OGDH: variants seen among roughly 807,000 people sequenced by gnomAD.
OGDH encodes the protein oxoglutarate dehydrogenase.
A neutral mutation model predicts 116.6 loss-of-function variants in OGDH; 38 were observed. That is an observed-to-expected ratio of 0.33 (90% CI 0.25 to 0.43). The LOEUF is 0.43. OGDH is among the 20% of genes least tolerant of loss of function. The pLI is 1.00. For synonymous variants in OGDH, 488 were observed against 533.3 expected (o/e 0.92, Z 1.17); for missense variants, 825 against 1,357.2 (o/e 0.61, Z 6.16).
At chr7:44,703,479 G>T (rs558098311) in intron 20 of OGDH, among the ~76,000 whole-genome samples, 8 of 152,190 alleles carry the variant, frequency 5.3e-5, no homozygotes, top group African/African-American at 1.9e-4. Context: ...CAGCACTTTG[G>T]GAGGCTGAGG....
intron 3 of OGDH, among the ~76,000 whole-genome samples, chr7:44,646,603 T>A (rs1222433573): frequency 6.6e-6 from 1 of 152,256 alleles, no homozygotes; most frequent in Non-Finnish European, 1.5e-5. Context: ...TTGGCCTCAG[T>A]AACAACTTCA....
At chr7:44,637,499 C>T (rs2268310) in intron 2 of OGDH, among the ~76,000 whole-genome samples, 33,936 of 152,134 alleles carry the variant, frequency 0.22, 5,283 homozygotes, top group East Asian at 0.56. Flanking sequence ...ATGAGAATTA[C>T]TGGATTTTTA....
chr7:44,669,137 C>A (rs1436765375), intron 5 of OGDH, among the ~76,000 whole-genome samples: 3 of 120,218 alleles, frequency 2.5e-5, no homozygotes, highest in African/African-American at 7.9e-5. Context: ...CTGTGGGGAG[C>A]CCGGCAGCTT....
intron 10 of OGDH, among the ~76,000 whole-genome samples, chr7:44,683,307 G>T (rs1788006687): frequency 6.6e-6 from 1 of 151,990 alleles, no homozygotes; most frequent in Non-Finnish European, 1.5e-5. Flanking sequence ...ATAGCTCATT[G>T]CAGCCTTGAA....
At chr7:44,617,483 T>C (rs986737914) in intron 1 of OGDH, among the ~76,000 whole-genome samples, 2 of 152,096 alleles carry the variant, frequency 1.3e-5, no homozygotes, top group Admixed American at 6.6e-5. Context: ...GAAAAAAAAC[T>C]TTACAGTTTA....
chr7:44,697,258 C>T lies in OGDH; in HGVS notation c.2052-112C>T. The T allele has an allele frequency of 6.7e-7, 1 of 1,502,016 alleles. No individual in the cohort carries two copies. Among genetic ancestry groups the T allele is most frequent in the Non-Finnish European group, 9.1e-7 (1 of 1,099,620 alleles). 93.0% of individuals were successfully genotyped at this position (1,502,016 alleles called of 1,614,324 possible). On this transcript the variant is annotated intron_variant, in intron 15 of 22. Coordinates refer to ENST00000222673, the MANE Select transcript of OGDH (RefSeq NM_002541.4). The surrounding 1 kb of genome is among the most constrained non-coding windows in gnomAD (Gnocchi z 6.0). ...TGGGGCCGACCCTGCAGCTGCCTGG[C>T]CAGAAGTCCAGGTCACAGAGCATGG...
intron 4 of OGDH, among the ~76,000 whole-genome samples, chr7:44,661,107 T>TGG (rs552225056): frequency 8.9e-4 from 136 of 152,368 alleles, no homozygotes; most frequent in Non-Finnish European, 1.6e-3. Context: ...CTATCAGATT[T>TGG]GGGGTCACTT....
chr7:44,621,474 CA>C (rs1785006329), intron 1 of OGDH, among the ~76,000 whole-genome samples: 1 of 152,184 alleles, frequency 6.6e-6, no homozygotes, highest in Non-Finnish European at 1.5e-5. Context: ...GTCGTTCTGT[CA>C]AAGTGTGGAC....
chr7:44,701,644 TG>T, intron 20 of OGDH, 29 bp downstream of exon 20: 2 of 1,599,542 alleles, frequency 1.3e-6, no homozygotes, highest in Non-Finnish European at 8.6e-7. Context: ...GGCATTTCCT[TG>T]GGGGAAGCTA....
chr7:44,670,688 A>T (rs1469238397), intron 5 of OGDH, among the ~76,000 whole-genome samples: 1 of 152,160 alleles, frequency 6.6e-6, no homozygotes, highest in Non-Finnish European at 1.5e-5. Flanking sequence ...TTAGAAGTTC[A>T]TAGTTTTATC....
Position 44,708,194 on chromosome 7 carries a change from GC to G in OGDH, c.*198del. ...TTGGCTGCCCCACAGGCCACACGCT[GC>G]CCAGGCTCTGCTGACTTCTGAGCAG... On this transcript the variant is annotated 3_prime_UTR_variant, in exon 23 of 23. Transcript: ENST00000222673. The G allele has an allele frequency of 1.4e-6, 1 of 703,768 alleles. No individual in the cohort carries two copies. Among genetic ancestry groups the G allele is most frequent in the Non-Finnish European group, 2.3e-6 (1 of 443,670 alleles). The allele number at this position is 703,768 out of a possible 1,614,324, so 43.6% of individuals were successfully genotyped here.
chr7:44,626,376 TTATATC>T (rs556936907), intron 2 of OGDH, among the ~76,000 whole-genome samples: 152 of 149,750 alleles, frequency 1.0e-3, no homozygotes, highest in African/African-American at 3.5e-3. Flanking sequence ...CACCTGCAGA[TTATATC>T]TAGAATAAAA....
chr7:44,609,337 T>TCC (rs1784474475), intron 1 of OGDH, among the ~76,000 whole-genome samples: 1 of 50,958 alleles, frequency 2.0e-5, no homozygotes, highest in Non-Finnish European at 5.0e-5. Flanking sequence ...ACCTCGTCTC[T>TCC]ACAAAAAAAA....
chr7:44,661,800 C>A (rs1364632209), intron 4 of OGDH, among the ~76,000 whole-genome samples: 4 of 152,132 alleles, frequency 2.6e-5, no homozygotes, highest in Non-Finnish European at 5.9e-5. Flanking sequence ...GGCAGGGTTT[C>A]ACCATGTTGG....
At chr7:44,705,160 C>T (rs371926875) in intron 20 of OGDH, among the ~76,000 whole-genome samples, 38 of 139,658 alleles carry the variant, frequency 2.7e-4, no homozygotes, top group East Asian at 6.6e-4. Context: ...TCACGCCATT[C>T]TCCTGCCTCA....
intron 1 of OGDH, among the ~76,000 whole-genome samples, chr7:44,609,036 C>T (rs371140975): frequency 1.3e-5 from 2 of 152,154 alleles, no homozygotes; most frequent in East Asian, 1.9e-4. Context: ...GCCACACCCA[C>T]ATTCCTCCCA....
chr7:44,698,375 T>A, intron 18 of OGDH, 112 bp downstream of exon 18: 1 of 1,130,984 alleles, frequency 8.8e-7, no homozygotes, highest in Non-Finnish European at 1.3e-6. Flanking sequence ...CCTCTGTCCC[T>A]TTCTCCATCC....
At chr7:44,625,259 G>T (rs368292241) in intron 2 of OGDH, among the ~76,000 whole-genome samples, 2 of 152,000 alleles carry the variant, frequency 1.3e-5, no homozygotes, top group Non-Finnish European at 1.5e-5. Flanking sequence ...CGAGTAACTG[G>T]GACTACAGGT....
At chr7:44,636,398 T>A (rs1393905383) in intron 2 of OGDH, among the ~76,000 whole-genome samples, 1 of 152,224 alleles carries the variant, frequency 6.6e-6, no homozygotes, top group African/African-American at 2.4e-5. Flanking sequence ...GTCTGCTGCC[T>A]GTAGCTGCCG....
Sources: allele counts gnomAD v4.1 joint callset (sites outside exome capture counted in the v4.1 genomes callset), GRCh38; gene constraint gnomAD v4.1.1; non-coding constraint Gnocchi (gnomAD v3.1); transcripts MANE v1.5; gene names NCBI Gene and HGNC (gene_info 2026-07-23, HGNC 2026-07-21).